TRAF2: variants seen among roughly 807,000 people sequenced by gnomAD.
TRAF2 encodes TNF receptor-associated factor 2.
Under a neutral mutation model 55.6 loss-of-function variants are expected in TRAF2, and 6 were observed. The observed-to-expected ratio is 0.11, with a 90% CI of 0.06 to 0.21. TRAF2 has a LOEUF of 0.21. TRAF2 is among the 10% of genes least tolerant of loss of function. The pLI, the probability that TRAF2 is intolerant of heterozygous loss-of-function variation, is 1.00. For synonymous variants in TRAF2, 329 were observed against 276.3 expected (o/e 1.19, Z -1.89); for missense variants, 561 against 684.5 (o/e 0.82, Z 2.01).
intron 9 of TRAF2, among the ~76,000 whole-genome samples, chr9:136,921,456 C>G (rs1850383078): frequency 6.6e-6 from 1 of 152,164 alleles, no homozygotes; most frequent in South Asian, 2.1e-4. Flanking sequence ...TCCTGCCGTG[C>G]CAGCCCTCGA....
chr9:136,911,171 A>C (rs1588436059), intron 6 of TRAF2, among the ~76,000 whole-genome samples: 1 of 152,072 alleles, frequency 6.6e-6, no homozygotes, highest in South Asian at 2.1e-4. Flanking sequence ...ACGGGCGCCC[A>C]CGCAGCGCGG....
At chr9:136,924,133 T>A in intron 10 of TRAF2, 133 bp downstream of exon 10, 1 of 1,126,934 alleles carries the variant, frequency 8.9e-7, no homozygotes, top group Non-Finnish European at 1.2e-6. Flanking sequence ...AGCAGGCACG[T>A]CACCCTGTGA....
In TRAF2 at chr9:136,905,958, A is replaced by T. The variant is rs12339668; in HGVS notation, c.367-2112A>T. 9.2e-3 allele frequency among the ~76,000 whole-genome samples: 1,401 copies of T among 152,290 alleles called. 23 individuals carry two copies. The highest frequency in any genetic ancestry group is 0.031 in the African/African-American group (1,288 of 41,550). Reference sequence around the variant, plus strand: ...TCTGTACTAAAAATACAAAAAAATTAGCCGGGTGTGGTGGCGGGCGCCCGT... The same window carrying T: ...TCTGTACTAAAAATACAAAAAAATTTGCCGGGTGTGGTGGCGGGCGCCCGT... On this transcript the variant is annotated intron_variant, in intron 4 of 10. Coordinates refer to ENST00000247668, the MANE Select transcript of TRAF2 (RefSeq NM_021138.4).
intron 1 of TRAF2, among the ~76,000 whole-genome samples, chr9:136,897,516 G>C (rs1264733690): frequency 6.6e-6 from 1 of 151,062 alleles, no homozygotes; most frequent in East Asian, 1.9e-4. Context: ...TCCTGCTCTA[G>C]GGGCTGGAGG....
chr9:136,908,046 G>T, intron 4 of TRAF2, 24 bp from the exon 5 acceptor site: 1 of 1,589,228 alleles, frequency 6.3e-7, no homozygotes, highest in South Asian at 1.1e-5. Context: ...GAGTTCTACT[G>T]ACGCTTCCTC....
intron 1 of TRAF2, among the ~76,000 whole-genome samples, chr9:136,894,641 C>T (rs2784095): frequency 0.79 from 120,723 of 152,016 alleles, 48,135 homozygotes; most frequent in East Asian, 0.87. Flanking sequence ...ACCCAGTGGC[C>T]GGGTTTCCTT....
intron 4 of TRAF2, among the ~76,000 whole-genome samples, chr9:136,906,325 AAG>A (rs778777057): frequency 4.6e-5 from 7 of 152,144 alleles, no homozygotes; most frequent in South Asian, 2.1e-4. Context: ...TATAAAGAAA[AAG>A]AGGTTGAATG....
At chr9:136,900,124 A>G (rs1849780766) in intron 3 of TRAF2, among the ~76,000 whole-genome samples, 1 of 150,494 alleles carries the variant, frequency 6.6e-6, no homozygotes, top group Non-Finnish European at 1.5e-5. Context: ...CCAAGATCGC[A>G]TGCCACTGCA....
intron 2 of TRAF2, among the ~76,000 whole-genome samples, chr9:136,899,213 G>A (rs1357644095): frequency 6.6e-6 from 1 of 152,140 alleles, no homozygotes; most frequent in African/African-American, 2.4e-5. Context: ...AAAGTTTAAA[G>A]TGCCACCTAC....
chr9:136,924,021 T>C, intron 10 of TRAF2, 21 bp downstream of exon 10: 1 of 1,610,372 alleles, frequency 6.2e-7, no homozygotes, highest in Non-Finnish European at 8.5e-7. Context: ...CCCTGCAGGC[T>C]TCGCTAGGGC....
At chr9:136,890,916 G>A (rs928765478) in intron 1 of TRAF2, among the ~76,000 whole-genome samples, 1 of 152,154 alleles carries the variant, frequency 6.6e-6, no homozygotes, top group East Asian at 1.9e-4. Flanking sequence ...GGTGGTGGAG[G>A]ACGTGCACTT....
rs560233015 is a variant in TRAF2, at chr9:136,886,548, C to A, written c.-29+7C>A. On this transcript the variant is annotated splice_region_variant and intron_variant, in intron 1 of 10. Transcript: ENST00000247668. The stretch of plus-strand genomic sequence containing the variant: ...GGCGCGCTGCGACCGTTGGGTGAGG[C>A]GAGCGCGGGGTCGGGTGCGGGGTCG... 1.0e-6 allele frequency: 1 copy of A among 984,036 alleles called. No homozygotes were observed. The highest frequency in any genetic ancestry group is 1.2e-6 in the Non-Finnish European group (1 of 830,552). 61.0% of individuals were successfully genotyped at this position (984,036 alleles called of 1,614,324 possible). A position where few individuals can be genotyped will look rare whatever the true frequency, so the allele number is the denominator to read the frequency against.
At chr9:136,914,212 G>T (rs1042298680) in intron 6 of TRAF2, among the ~76,000 whole-genome samples, 16 of 152,312 alleles carry the variant, frequency 1.1e-4, no homozygotes, top group African/African-American at 3.6e-4. Flanking sequence ...CGCCCAGCTG[G>T]CTTCCAGTTC....
At chr9:136,893,030 G>A (rs1017508306) in intron 1 of TRAF2, among the ~76,000 whole-genome samples, 10 of 152,186 alleles carry the variant, frequency 6.6e-5, no homozygotes, top group East Asian at 3.8e-4. Context: ...TATGTAGCAC[G>A]TCTCCACATG....
rs191108831 is a variant in TRAF2, at chr9:136,894,734, G to A, written c.-28-3979G>A. Among the ~76,000 whole-genome samples, 200 of 152,238 alleles carry A rather than the reference G, an allele frequency of 1.3e-3. 1 individual carries two copies. Among genetic ancestry groups the A allele is most frequent in the African/African-American group, 4.6e-3 (191 of 41,550 alleles). ...TGAAGGAGGAGCAGAGAGCAGGGTC[G>A]GGGCCAGAGAAGGGGCTAGTGCTGG... On this transcript the variant is annotated intron_variant, in intron 1 of 10. Transcript: ENST00000247668.
At chr9:136,917,053 C>T (rs988289098) in intron 7 of TRAF2, among the ~76,000 whole-genome samples, 12 of 152,186 alleles carry the variant, frequency 7.9e-5, no homozygotes, top group Non-Finnish European at 1.8e-4. Context: ...CCCCTCCTCT[C>T]GCCTCATGCT....
Position 136,926,436 on chromosome 9 carries a change from A to C in TRAF2, c.*535A>C, listed in dbSNP as rs990081049. 4.2e-5 allele frequency: 12 copies of C among 283,916 alleles called. No individual in the cohort carries two copies. The highest frequency in any genetic ancestry group is 1.3e-4 in the African/African-American group (6 of 45,800). The allele number at this position is 283,916 out of a possible 1,614,324, so 17.6% of individuals were successfully genotyped here. ...CCTAGACCCCTGGGTGCTTGTCTGC[A>C]CAGAGCTCTGGTCTGTGCCACCTTG... On this transcript the variant is annotated 3_prime_UTR_variant, in exon 11 of 11. Transcript: ENST00000247668.
chr9:136,915,174 C>G (rs377458924), intron 6 of TRAF2, among the ~76,000 whole-genome samples: 1 of 151,930 alleles, frequency 6.6e-6, no homozygotes, highest in Non-Finnish European at 1.5e-5. Context: ...AGAGAAACTC[C>G]GTCTCAAAAA....
chr9:136,923,895 C>G lies in TRAF2; in HGVS notation c.1182C>G (p.Ile394Met), dbSNP rs776376824. 6.2e-7 allele frequency: 1 copy of G among 1,613,858 alleles called. No homozygotes were observed. The highest frequency in any genetic ancestry group is 8.5e-7 in the Non-Finnish European group (1 of 1,180,014). ...SRYGYKMCLR[I>M]YLNGDGTGRG... Reference sequence around the variant, plus strand: ...ACGGCTACAAGATGTGTCTGCGTATCTACCTGAACGGCGACGGCACCGGGC... The same window carrying G: ...ACGGCTACAAGATGTGTCTGCGTATGTACCTGAACGGCGACGGCACCGGGC... The change falls in exon 10 of 11, where the codon ATC (isoleucine) becomes ATG (methionine). Residue 394 changes from isoleucine to methionine, a missense_variant. Transcript: ENST00000247668.
Sources: gnomAD v4.1 joint callset for allele counts (sites outside exome capture counted in the v4.1 genomes callset) on GRCh38, gnomAD v4.1.1 for gene constraint, MANE v1.5 for transcripts, NCBI Gene and HGNC (gene_info 2026-07-23, HGNC 2026-07-21) for gene names.